MTUS2: variants seen among roughly 807,000 people sequenced by gnomAD.
MTUS2 encodes microtubule-associated tumor suppressor candidate 2.
A neutral mutation model predicts 114.1 loss-of-function variants in MTUS2; 40 were observed. The observed-to-expected ratio is 0.35, with a 90% CI of 0.27 to 0.46. The LOEUF (loss-of-function observed/expected upper bound fraction) is 0.46. Among genes scored for constraint, MTUS2 ranks in the 20% least tolerant of loss-of-function variants. The pLI, the probability that MTUS2 is intolerant of heterozygous loss-of-function variation, is 1.00. For missense variants in MTUS2, 1,679 were observed against 1,705.4 expected, an observed-to-expected ratio of 0.98 and a Z score of 0.27; for synonymous variants, 688 against 672.0, an observed-to-expected ratio of 1.02 and a Z score of -0.37.
intron 5 of MTUS2, among the ~76,000 whole-genome samples, chr13:29,210,757 A>G (rs564597459): frequency 5.3e-5 from 8 of 152,312 alleles, no homozygotes; most frequent in Admixed American, 2.6e-4. Flanking sequence ...GAGTTTCTGC[A>G]AAGAGTCCTC....
intron 5 of MTUS2, among the ~76,000 whole-genome samples, chr13:29,191,434 T>C (rs1348527692): frequency 6.6e-6 from 1 of 152,088 alleles, no homozygotes; most frequent in African/African-American, 2.4e-5. Flanking sequence ...ACCCCAGAGC[T>C]TGTCTCCCTG....
chr13:29,191,240 A>G (rs1894436412), intron 5 of MTUS2, among the ~76,000 whole-genome samples: 1 of 152,100 alleles, frequency 6.6e-6, no homozygotes, highest in Non-Finnish European at 1.5e-5. Flanking sequence ...GAAATGGGAA[A>G]ATGTCAGAAT....
intron 5 of MTUS2, among the ~76,000 whole-genome samples, chr13:29,154,359 C>CAGGAAATA (rs1009840835): frequency 5.9e-5 from 9 of 152,174 alleles, no homozygotes; most frequent in Non-Finnish European, 1.2e-4. Flanking sequence ...AATCATTTTA[C>CAGGAAATA]ATACCTTTCC....
chr13:28,888,725 CT>C (rs1489141506), intron 2 of MTUS2, among the ~76,000 whole-genome samples: 2 of 152,182 alleles, frequency 1.3e-5, no homozygotes, highest in African/African-American at 2.4e-5. Context: ...CTCGGCTCCT[CT>C]TGGCATCTTA....
intron 2 of MTUS2, among the ~76,000 whole-genome samples, chr13:28,993,009 G>C (rs138544876): frequency 9.2e-4 from 140 of 152,218 alleles, no homozygotes; most frequent in Non-Finnish European, 1.8e-3. Context: ...TTTTTTCATT[G>C]ATCTTTTTCT....
chr13:28,980,016 A>C (rs1566267049), intron 2 of MTUS2, among the ~76,000 whole-genome samples: 1 of 152,212 alleles, frequency 6.6e-6, no homozygotes, highest in East Asian at 1.9e-4. Context: ...ATTTAAAGCA[A>C]ATCATCAGAA....
At chr13:29,161,066 C>G (rs781220371) in intron 5 of MTUS2, among the ~76,000 whole-genome samples, 10 of 152,184 alleles carry the variant, frequency 6.6e-5, no homozygotes, top group Non-Finnish European at 1.5e-4. Flanking sequence ...GTGAGAGACC[C>G]TTGTGGTAAG....
intron 8 of MTUS2, among the ~76,000 whole-genome samples, chr13:29,375,934 C>T (rs1871688625): frequency 6.6e-6 from 1 of 151,704 alleles, no homozygotes; most frequent in South Asian, 2.1e-4. Context: ...TCTCAGACTT[C>T]ACCACTTTAT....
rs575198889 is a variant in MTUS2, at chr13:29,495,743, C to T, written c.3580-1495C>T. Reference sequence around the variant, plus strand: ...AACATTAGCTGGGTGTGGTGGTGCACGCCTGTAGTCCCAGCTACTTGGAAG... The same window carrying T: ...AACATTAGCTGGGTGTGGTGGTGCATGCCTGTAGTCCCAGCTACTTGGAAG... On this transcript the variant is annotated intron_variant, in intron 12 of 15. Coordinates refer to ENST00000612955, the MANE Select transcript of MTUS2 (RefSeq NM_001033602.4). Among the ~76,000 whole-genome samples the T allele has an allele frequency of 4.0e-5, 6 of 151,594 alleles. No individual in the cohort carries two copies. In the Middle Eastern group the frequency reaches 0.017, roughly 433 times the overall value.
chr13:28,823,369 TTTGAAACGAGTTG>T (rs1252502967), intron 1 of MTUS2, among the ~76,000 whole-genome samples: 2 of 152,238 alleles, frequency 1.3e-5, no homozygotes, highest in Non-Finnish European at 2.9e-5. Flanking sequence ...CACACACATG[TTTGAAACGAGTTG>T]TTGAAAAGAG....
chr13:29,204,806 G>C (rs533297146), intron 5 of MTUS2, among the ~76,000 whole-genome samples: 1 of 152,338 alleles, frequency 6.6e-6, no homozygotes, highest in Admixed American at 6.5e-5. Flanking sequence ...GTGACCATTG[G>C]CCTCAGAACA....
chr13:29,118,217 T>C (rs1400217209), intron 5 of MTUS2, among the ~76,000 whole-genome samples: 1 of 151,902 alleles, frequency 6.6e-6, no homozygotes, highest in Non-Finnish European at 1.5e-5. Flanking sequence ...TTGTTTACCA[T>C]CACGGAAGCC....
At chr13:28,900,328 T>C (rs1240952858) in intron 2 of MTUS2, among the ~76,000 whole-genome samples, 1 of 152,176 alleles carries the variant, frequency 6.6e-6, no homozygotes, top group Non-Finnish European at 1.5e-5. Flanking sequence ...GTGTGTTCCA[T>C]GCAGTCTAAT....
At chr13:29,122,016 T>C (rs1356531747) in intron 5 of MTUS2, among the ~76,000 whole-genome samples, 3 of 152,138 alleles carry the variant, frequency 2.0e-5, no homozygotes, top group Non-Finnish European at 4.4e-5. Flanking sequence ...TAAAAACATG[T>C]AATTGAGGTT....
intron 1 of MTUS2, among the ~76,000 whole-genome samples, chr13:28,835,484 G>C (rs1254001618): frequency 6.6e-6 from 1 of 152,192 alleles, no homozygotes; most frequent in Non-Finnish European, 1.5e-5. Context: ...ATTACTGGTT[G>C]TCAGGGACTG....
At chr13:29,309,919 C>G (rs987069616) in intron 6 of MTUS2, among the ~76,000 whole-genome samples, 1 of 152,096 alleles carries the variant, frequency 6.6e-6, no homozygotes, top group Non-Finnish European at 1.5e-5. Context: ...ATGTTACAAA[C>G]AATTCAGTTA....
intron 2 of MTUS2, among the ~76,000 whole-genome samples, chr13:28,941,057 A>AT (rs1323293671): frequency 1.7e-5 from 2 of 116,782 alleles, no homozygotes; most frequent in Non-Finnish European, 4.1e-5. Flanking sequence ...TAACTAATAG[A>AT]TTACTACAAA....
chr13:28,990,926 C>T (rs777462427), intron 2 of MTUS2, among the ~76,000 whole-genome samples: 22 of 151,716 alleles, frequency 1.5e-4, no homozygotes, highest in African/African-American at 5.3e-4. Context: ...CAAACAACTC[C>T]GGATGCGCCA....
chr13:29,203,840 C>G (rs369458484), intron 5 of MTUS2, among the ~76,000 whole-genome samples: 15 of 152,258 alleles, frequency 9.9e-5, no homozygotes, highest in African/African-American at 2.2e-4. Flanking sequence ...CATCTCACCC[C>G]CCATGGGCTG....
Sources: gnomAD v4.1 joint callset for allele counts (sites outside exome capture counted in the v4.1 genomes callset) on GRCh38, gnomAD v4.1.1 for gene constraint, MANE v1.5 for transcripts, NCBI Gene and HGNC (gene_info 2026-07-23, HGNC 2026-07-21) for gene names.